The following SAMD3 variants were observed in gnomAD, a reference collection of about 807,000 sequenced individuals.
SAMD3 encodes the protein sterile alpha motif domain containing 3, also known as sterile alpha motif domain-containing protein 3.
Under a neutral mutation model 58.5 loss-of-function variants are expected in SAMD3, and 63 were observed. That is an observed-to-expected ratio of 1.08 (90% CI 0.88 to 1.33). SAMD3 has a LOEUF of 1.33. Among genes scored for constraint, SAMD3 ranks in the 40% most tolerant of loss-of-function variants. The pLI is 0.00. For synonymous variants in SAMD3, 220 were observed against 210.3 expected (o/e 1.05, Z -0.40); for missense variants, 604 against 608.4 (o/e 0.99, Z 0.08).
At chr6:130,196,535 G>A (rs1012149755) in intron 5 of SAMD3, among the ~76,000 whole-genome samples, 3 of 151,888 alleles carry the variant, frequency 2.0e-5, no homozygotes, top group African/African-American at 4.8e-5. Flanking sequence ...AGGCCTAATC[G>A]CCACACACCA....
At chr6:130,151,410 AC>A (rs933002954) in intron 9 of SAMD3, among the ~76,000 whole-genome samples, 6 of 151,930 alleles carry the variant, frequency 3.9e-5, no homozygotes, top group Non-Finnish European at 7.4e-5. Flanking sequence ...TTGGGCCAAA[AC>A]CAAACTCAAA....
At chr6:130,183,845 C>CAG (rs142020916) in intron 7 of SAMD3, among the ~76,000 whole-genome samples, 11 of 150,292 alleles carry the variant, frequency 7.3e-5, no homozygotes, top group South Asian at 4.2e-4. Flanking sequence ...GAGAGAGAGC[C>CAG]AGAGAGAGAG....
intron 2 of SAMD3, among the ~76,000 whole-genome samples, chr6:130,246,737 C>A (rs112518749): frequency 0.019 from 2,942 of 151,868 alleles, 94 homozygotes; most frequent in African/African-American, 0.067. Context: ...AAAAATACAA[C>A]AATTAGCCGG....
At chr6:130,185,232 T>C (rs1182514944) in intron 5 of SAMD3, among the ~76,000 whole-genome samples, 1 of 152,226 alleles carries the variant, frequency 6.6e-6, no homozygotes, top group African/African-American at 2.4e-5. Flanking sequence ...AGGAGTTGCC[T>C]GGGGATGAGG....
At chr6:130,230,247 A>T (rs1163053321) in intron 2 of SAMD3, among the ~76,000 whole-genome samples, 1 of 152,176 alleles carries the variant, frequency 6.6e-6, no homozygotes, top group Admixed American at 6.5e-5. Flanking sequence ...CAAAGTATAT[A>T]ATATGAATGT....
intron 2 of SAMD3, among the ~76,000 whole-genome samples, chr6:130,248,450 T>A (rs2114905633): frequency 6.6e-6 from 1 of 152,232 alleles, no homozygotes; most frequent in African/African-American, 2.4e-5. Context: ...TTATAAAATG[T>A]GCAGAAACAA....
rs539019845 is a variant in SAMD3 at position 130,234,877 on chromosome 6, G to A, written c.-187-12064C>T. ...ACCATGGCTCATGCCAGTAATCCCA[G>A]CATTTTGGGAGGATTACTTGAGCCC... On this transcript the variant is annotated intron_variant, in intron 2 of 13. Transcript: ENST00000368134. 1.1e-4 allele frequency among the ~76,000 whole-genome samples: 17 copies of A among 152,322 alleles called. 1 individual carries two copies. In the East Asian group the frequency reaches 3.1e-3, roughly 28 times the overall value.
At chr6:130,364,088 G>T (rs933790873) in intron 1 of SAMD3, among the ~76,000 whole-genome samples, 1 of 152,062 alleles carries the variant, frequency 6.6e-6, no homozygotes, top group Non-Finnish European at 1.5e-5. Context: ...CATTTTACCC[G>T]CCTCTTCTGA....
At chr6:130,274,917 A>G (rs1207661348) in intron 2 of SAMD3, among the ~76,000 whole-genome samples, 1 of 151,902 alleles carries the variant, frequency 6.6e-6, no homozygotes. Context: ...TCTTCATACT[A>G]TGGACTTTTG....
chr6:130,232,288 G>A (rs1315650690), intron 2 of SAMD3, among the ~76,000 whole-genome samples: 1 of 152,156 alleles, frequency 6.6e-6, no homozygotes, highest in Non-Finnish European at 1.5e-5. Flanking sequence ...GATTGGACAA[G>A]GCCATTATAG....
chr6:130,155,038 T>C lies in SAMD3; in HGVS notation c.823-13A>G, dbSNP rs777024937. 7 of 1,606,046 alleles carry C rather than the reference T, an allele frequency of 4.4e-6. No homozygotes were observed. On this transcript the variant is annotated splice_polypyrimidine_tract_variant and intron_variant, in intron 8 of 11. Transcript: ENST00000439090. ...AAACAGCTTCTTCCTGCAAAACATT[T>C]TCAACATATCAATGGATTCCATGTT...
intron 4 of SAMD3, 68 bp downstream of exon 4, chr6:130,214,269 C>A (rs1795832894): frequency 7.6e-7 from 1 of 1,309,536 alleles, no homozygotes; most frequent in Non-Finnish European, 1.0e-6. Context: ...TAAACCCAAA[C>A]GTCACGCTCT....
intron 2 of SAMD3, among the ~76,000 whole-genome samples, chr6:130,266,735 A>G (rs910373187): frequency 6.6e-6 from 1 of 152,186 alleles, no homozygotes; most frequent in Non-Finnish European, 1.5e-5. Flanking sequence ...TGTTATTGGA[A>G]TTATTAAACC....
intron 9 of SAMD3, among the ~76,000 whole-genome samples, chr6:130,150,166 G>A (rs1414848947): frequency 6.6e-6 from 1 of 152,148 alleles, no homozygotes; most frequent in Non-Finnish European, 1.5e-5. Flanking sequence ...TCCCTATGGT[G>A]ATGATACATG....
At chr6:130,230,583 T>C (rs1405979078) in intron 2 of SAMD3, among the ~76,000 whole-genome samples, 1 of 152,110 alleles carries the variant, frequency 6.6e-6, no homozygotes, top group African/African-American at 2.4e-5. Context: ...GAGACAGGTT[T>C]CACTATGTTG....
At chr6:130,296,930 C>T (rs998354596) in intron 2 of SAMD3, among the ~76,000 whole-genome samples, 9 of 152,070 alleles carry the variant, frequency 5.9e-5, no homozygotes, top group African/African-American at 2.2e-4. Flanking sequence ...TGGTACACAC[C>T]CCAGCCCCTT....
At chr6:130,265,407 C>T (rs1215076874) in intron 2 of SAMD3, among the ~76,000 whole-genome samples, 5 of 152,052 alleles carry the variant, frequency 3.3e-5, no homozygotes, top group East Asian at 1.9e-4. Flanking sequence ...CATGCACGGC[C>T]GAAGCATGAG....
chr6:130,276,676 C>G (rs1429772853), intron 2 of SAMD3, among the ~76,000 whole-genome samples: 1 of 152,116 alleles, frequency 6.6e-6, no homozygotes, highest in African/African-American at 2.4e-5. Context: ...TTCTTGCCCA[C>G]TGCCCAAATA....
intron 2 of SAMD3, among the ~76,000 whole-genome samples, chr6:130,244,096 A>T (rs1773453835): frequency 6.6e-6 from 1 of 152,228 alleles, no homozygotes; most frequent in African/African-American, 2.4e-5. Context: ...TAAGACTATT[A>T]AATTTGTTCC....
Sources: allele counts gnomAD v4.1 joint callset (sites outside exome capture counted in the v4.1 genomes callset), GRCh38; gene constraint gnomAD v4.1.1; transcripts MANE v1.5; gene names NCBI Gene and HGNC (gene_info 2026-07-23, HGNC 2026-07-21).